PLEKHA7: variants seen among roughly 807,000 people sequenced by gnomAD.
PLEKHA7 encodes pleckstrin homology domain containing A7, also known as pleckstrin homology domain-containing family A member 7.
Under a neutral mutation model 170.0 loss-of-function variants are expected in PLEKHA7, and 104 were observed. The ratio of observed to expected loss-of-function variants is 0.61; its 90% confidence interval spans 0.52 to 0.72. The LOEUF (loss-of-function observed/expected upper bound fraction) is 0.72. PLEKHA7 is among the 30% of genes least tolerant of loss of function. The pLI is 0.00. For missense variants in PLEKHA7, 1,615 were observed against 1,671.7 expected, an observed-to-expected ratio of 0.97 and a Z score of 0.59; for synonymous variants, 648 against 660.8, an observed-to-expected ratio of 0.98 and a Z score of 0.30.
At position 16,889,420 on chromosome 11, in the gene PLEKHA7, AAT is replaced by A. The variant is rs1554964151; in HGVS notation, c.222-18240_222-18239del. The stretch of plus-strand genomic sequence containing the variant: ...TTGCTCAAAAAAAAAAAAAAAAAAA[AAT>A]ATATATATATATATATATATATATG... On this transcript the variant is annotated intron_variant, in intron 3 of 26. Transcript: ENST00000531066. 5.0e-3 allele frequency among the ~76,000 whole-genome samples: 375 copies of A among 74,588 alleles called. 4 individuals carry two copies. The highest frequency in any genetic ancestry group is 0.026 in the Middle Eastern group (3 of 116). 48.9% of individuals were successfully genotyped at this position (74,588 alleles called of 152,430 possible).
chr11:16,807,396 G>T (rs1378742282), intron 13 of PLEKHA7, among the ~76,000 whole-genome samples: 1 of 152,104 alleles, frequency 6.6e-6, no homozygotes, highest in Non-Finnish European at 1.5e-5. Flanking sequence ...CCATGGGACC[G>T]TGGATGCTCC....
At chr11:16,886,509 A>C (rs1260061904) in intron 3 of PLEKHA7, among the ~76,000 whole-genome samples, 1 of 152,098 alleles carries the variant, frequency 6.6e-6, no homozygotes, top group African/African-American at 2.4e-5. Flanking sequence ...TCAGGAGTTC[A>C]AGACCAGCCT....
intron 3 of PLEKHA7, among the ~76,000 whole-genome samples, chr11:16,949,186 C>A (rs1021078519): frequency 2.6e-5 from 4 of 152,094 alleles, no homozygotes; most frequent in Admixed American, 6.6e-5. Context: ...TGTAACCCCC[C>A]CATCTGCCTC....
chr11:16,871,679 T>C (rs995929314), intron 3 of PLEKHA7, among the ~76,000 whole-genome samples: 3 of 152,172 alleles, frequency 2.0e-5, no homozygotes, highest in African/African-American at 7.2e-5. Flanking sequence ...ACTTCAGTGA[T>C]GGGATATAAA....
chr11:16,786,766 C>T (rs956691937), intron 23 of PLEKHA7: 23 of 985,278 alleles, frequency 2.3e-5, no homozygotes, highest in South Asian at 9.4e-5. Flanking sequence ...AGGAGACATA[C>T]GTCCCAGGCT....
chr11:16,892,609 C>T (rs1375129289), intron 3 of PLEKHA7, among the ~76,000 whole-genome samples: 1 of 138,336 alleles, frequency 7.2e-6, no homozygotes, highest in Admixed American at 7.5e-5. Flanking sequence ...CCATGCCCAG[C>T]TTCCAGCTTC....
At chr11:16,978,778 A>T (rs988250612) in intron 3 of PLEKHA7, among the ~76,000 whole-genome samples, 1 of 152,208 alleles carries the variant, frequency 6.6e-6, no homozygotes, top group African/African-American at 2.4e-5. Flanking sequence ...GGGTGTCTGT[A>T]CTTTTGACTA....
chr11:16,909,894 C>T (rs1858126599), intron 3 of PLEKHA7, among the ~76,000 whole-genome samples: 1 of 152,082 alleles, frequency 6.6e-6, no homozygotes, highest in Admixed American at 6.5e-5. Context: ...GGAAACCTCA[C>T]CATAAAAAGA....
At chr11:16,812,041 G>C (rs1849407366) in intron 13 of PLEKHA7, among the ~76,000 whole-genome samples, 3 of 152,196 alleles carry the variant, frequency 2.0e-5, no homozygotes. Flanking sequence ...TCATTGTAGA[G>C]GAGTCTGTTA....
intron 15 of PLEKHA7, among the ~76,000 whole-genome samples, chr11:16,802,500 T>A (rs1848661300): frequency 6.6e-6 from 1 of 151,134 alleles, no homozygotes; most frequent in Non-Finnish European, 1.5e-5. Flanking sequence ...GGCAGGAGGG[T>A]CTCTATAAGA....
intron 15 of PLEKHA7, among the ~76,000 whole-genome samples, chr11:16,802,634 G>A (rs758742706): frequency 6.6e-6 from 1 of 151,736 alleles, no homozygotes; most frequent in Non-Finnish European, 1.5e-5. Context: ...TGCAACCTCT[G>A]CCTCCCGGGT....
At chr11:16,896,030 G>A (rs1856971116) in intron 3 of PLEKHA7, among the ~76,000 whole-genome samples, 1 of 152,180 alleles carries the variant, frequency 6.6e-6, no homozygotes, top group Middle Eastern at 3.2e-3. Context: ...CCAAGGTTCT[G>A]GTGCCCACTT....
chr11:16,835,007 T>C (rs438919), intron 9 of PLEKHA7, among the ~76,000 whole-genome samples: 95,417 of 152,148 alleles, frequency 0.63, 30,508 homozygotes, highest in East Asian at 0.87. Context: ...CGGTGGCTCA[T>C]GCCTGTAATC....
chr11:17,005,670 T>C (rs1864945992), intron 3 of PLEKHA7, among the ~76,000 whole-genome samples: 4 of 152,224 alleles, frequency 2.6e-5, no homozygotes, highest in African/African-American at 7.2e-5. Flanking sequence ...ACTCCTCTCA[T>C]GGGTAAAGAG....
At chr11:16,875,664 C>A (rs950321514) in intron 3 of PLEKHA7, among the ~76,000 whole-genome samples, 5 of 151,940 alleles carry the variant, frequency 3.3e-5, no homozygotes, top group Admixed American at 6.6e-5. Flanking sequence ...AGACTGGTCT[C>A]CATCTCCTGA....
chr11:16,972,809 G>A (rs79371642), intron 3 of PLEKHA7, among the ~76,000 whole-genome samples: 2,951 of 152,138 alleles, frequency 0.019, 79 homozygotes, highest in African/African-American at 0.066. Context: ...AATTACACAC[G>A]TGCTGTGACT....
chr11:16,868,383 T>C (rs1328485615), intron 4 of PLEKHA7, among the ~76,000 whole-genome samples: 2 of 152,152 alleles, frequency 1.3e-5, no homozygotes, highest in Non-Finnish European at 2.9e-5. Flanking sequence ...TGAGAAACTA[T>C]CCTTTGAGGG....
chr11:16,977,893 C>T (rs140851268), intron 3 of PLEKHA7, among the ~76,000 whole-genome samples: 191 of 152,250 alleles, frequency 1.3e-3, no homozygotes, highest in African/African-American at 4.4e-3. Context: ...TTCCCTCATC[C>T]TCGGTCTGCT....
chr11:16,779,655 G>A (rs1848875794), intron 26 of PLEKHA7, among the ~76,000 whole-genome samples: 1 of 152,190 alleles, frequency 6.6e-6, no homozygotes, highest in South Asian at 2.1e-4. Context: ...CCTGGCCCAA[G>A]GAGGCTGACC....
Sources: gnomAD v4.1 joint callset for allele counts (sites outside exome capture counted in the v4.1 genomes callset) on GRCh38, gnomAD v4.1.1 for gene constraint, MANE v1.5 for transcripts, NCBI Gene and HGNC (gene_info 2026-07-23, HGNC 2026-07-21) for gene names.